The following ANTXRL variants were observed in gnomAD, a reference collection of about 807,000 sequenced individuals.
ANTXRL encodes ANTXR like.
Under a neutral mutation model 75.4 loss-of-function variants are expected in ANTXRL, and 63 were observed. The observed-to-expected ratio is 0.84, with a 90% CI of 0.68 to 1.03. ANTXRL has a LOEUF of 1.03. Among genes scored for constraint, ANTXRL ranks in the 50% least tolerant of loss-of-function variants. The pLI is 0.00. For synonymous variants in ANTXRL, 335 were observed against 291.3 expected (o/e 1.15, Z -1.53); for missense variants, 797 against 789.4 (o/e 1.01, Z -0.12).
chr10:46,290,103 G>A (rs1327851653), intron 1 of ANTXRL, among the ~76,000 whole-genome samples: 3 of 147,522 alleles, frequency 2.0e-5, no homozygotes, highest in Admixed American at 1.4e-4. Context: ...GTTCAGCGGC[G>A]CGATCTCGGC....
intron 15 of ANTXRL, among the ~76,000 whole-genome samples, chr10:46,313,020 C>A (rs1329180558): frequency 6.6e-6 from 1 of 152,210 alleles, no homozygotes; most frequent in Non-Finnish European, 1.5e-5. Context: ...CTTCCTTCAG[C>A]AAAATACTGT....
rs572558636 is a variant in ANTXRL at position 46,329,890 on chromosome 10, C to T, written c.1702C>T (p.Gln568Ter). The T allele has an allele frequency of 4.0e-4, 616 of 1,535,912 alleles. 2 individuals are homozygous for T. Among genetic ancestry groups the T allele is most frequent in the Non-Finnish European group, 5.1e-4 (586 of 1,146,728 alleles). The part of the protein sequence containing the change: ...RHSPEYFSQA[Q>*]TLCNPKSCLQ... ...CAGCCCGGAGTACTTTTCCCAAGCA[C>T]AGACTCTGTGCAACCCAAAGAGCTG... Residue 568 changes from glutamine (Q) to a stop codon, truncating the protein, a stop_gained, in exon 17 of 17, where the codon CAG (glutamine) becomes TAG (stop). Coordinates refer to ENST00000620264, the MANE Select transcript of ANTXRL (RefSeq NM_001278688.3). LOFTEE classifies it high-confidence loss of function.
At chr10:46,314,240 G>A (rs1565045306) in intron 16 of ANTXRL, among the ~76,000 whole-genome samples, 3 of 152,094 alleles carry the variant, frequency 2.0e-5, no homozygotes, top group African/African-American at 7.2e-5. Context: ...ACCTGGCAGG[G>A]CACTGCTGGT....
rs566476915 is a variant in ANTXRL, at chr10:46,294,135, C to A, written c.392+235C>A. On this transcript the variant is annotated intron_variant, in intron 3 of 16. Coordinates refer to ENST00000620264, the MANE Select transcript of ANTXRL (RefSeq NM_001278688.3). ...TGCTCCAGAAGTTCTCAGCCTCCCC[C>A]ACTTCACGCTCCCCTGCCCTCTCTC... is the stretch of plus-strand genomic sequence containing the variant. The A allele has an allele frequency of 4.2e-5, 23 of 548,190 alleles. 1 individual carries two copies. The highest frequency in any genetic ancestry group is 3.4e-4 in the South Asian group (16 of 47,360). 34.0% of individuals were successfully genotyped at this position (548,190 alleles called of 1,614,324 possible).
chr10:46,310,633 G>T, intron 14 of ANTXRL, 134 bp downstream of exon 14: 1 of 963,136 alleles, frequency 1.0e-6, no homozygotes, highest in African/African-American at 1.6e-5. Flanking sequence ...GCAGAATGGA[G>T]CCTGAGAAGA....
intron 7 of ANTXRL, 21 bp from the exon 8 acceptor site, chr10:46,297,810 A>G: frequency 1.3e-6 from 2 of 1,535,244 alleles, no homozygotes; most frequent in Non-Finnish European, 1.7e-6. Flanking sequence ...GGGGAGTCCA[A>G]CCCAGCTCTG....
At chr10:46,289,151 C>G (rs1836880814) in intron 1 of ANTXRL, among the ~76,000 whole-genome samples, 1 of 152,142 alleles carries the variant, frequency 6.6e-6, no homozygotes, top group Admixed American at 6.5e-5. Context: ...TCATTAGCGT[C>G]CAGCTTATTC....
chr10:46,293,227 TGTGA>T lies in ANTXRL; in HGVS notation c.321-598_321-595del, dbSNP rs782541977. On this transcript the variant is annotated intron_variant, in intron 2 of 16. Transcript: ENST00000620264. ...GCATATGTGTGTGACTGTGTGTGTG[TGTGA>T]GTGTGTATGCATGTGTGTGGGGGGG... 51 of 157,032 alleles carry T rather than the reference TGTGA, an allele frequency of 3.2e-4. No homozygotes were observed. In the East Asian group the frequency reaches 4.1e-3, roughly 13 times the overall value. 9.7% of individuals were successfully genotyped at this position (157,032 alleles called of 1,614,324 possible). A position where few individuals can be genotyped will look rare whatever the true frequency, so the allele number is the denominator to read the frequency against.
intron 9 of ANTXRL, 96 bp from the exon 10 acceptor site, chr10:46,302,626 T>G: frequency 2.4e-6 from 2 of 836,392 alleles, no homozygotes; most frequent in Non-Finnish European, 3.8e-6. Flanking sequence ...CCTCTGTGAA[T>G]TCGGTTTTGG....
At chr10:46,316,457 G>A (rs1554964687) in intron 16 of ANTXRL, among the ~76,000 whole-genome samples, 6 of 152,114 alleles carry the variant, frequency 3.9e-5, no homozygotes, top group Admixed American at 3.9e-4. Context: ...CCAACAACCT[G>A]GCTCCAGGTC....
At chr10:46,298,709 G>T (rs1837536569) in intron 9 of ANTXRL, among the ~76,000 whole-genome samples, 1 of 151,426 alleles carries the variant, frequency 6.6e-6, no homozygotes, top group African/African-American at 2.4e-5. Context: ...TGATGTGTGT[G>T]GTGTGTGTAT....
At chr10:46,311,895 C>G (rs1838451028) in intron 15 of ANTXRL, among the ~76,000 whole-genome samples, 1 of 151,934 alleles carries the variant, frequency 6.6e-6, no homozygotes, top group Non-Finnish European at 1.5e-5. Context: ...TCTGTCCCCA[C>G]ACATTGAACT....
At chr10:46,321,245 G>T (rs782332899) in intron 16 of ANTXRL, among the ~76,000 whole-genome samples, 1 of 152,206 alleles carries the variant, frequency 6.6e-6, no homozygotes, top group Non-Finnish European at 1.5e-5. Flanking sequence ...ATGGTCCCAT[G>T]AATTTTCCTG....
intron 16 of ANTXRL, among the ~76,000 whole-genome samples, chr10:46,321,929 C>CT (rs1334506230): frequency 6.6e-6 from 1 of 152,110 alleles, no homozygotes; most frequent in Non-Finnish European, 1.5e-5. Flanking sequence ...GTCATTTGTT[C>CT]TTTCAACTTT....
chr10:46,305,770 T>A (rs1469111098), intron 10 of ANTXRL, among the ~76,000 whole-genome samples: 3 of 151,056 alleles, frequency 2.0e-5, no homozygotes, highest in Non-Finnish European at 3.0e-5. Flanking sequence ...GATACATAAA[T>A]AAACAAAAAT....
chr10:46,307,566 C>T, intron 12 of ANTXRL, 86 bp downstream of exon 12: 1 of 1,246,846 alleles, frequency 8.0e-7, no homozygotes, highest in Admixed American at 2.0e-5. Context: ...GCAGACCGTT[C>T]CCAGGCAGTC....
At position 46,311,577 on chromosome 10, in the gene ANTXRL, C is replaced by G. The variant is rs113838564; in HGVS notation, c.1241C>G (p.Pro414Arg). Residue 414 changes from proline to arginine, a missense_variant, in exon 15 of 17, where the codon CCT becomes CGT. Physicochemically the swap from Pro to Arg is moderately radical, Grantham distance 103. This residue lies in a region of ANTXRL where 479 missense variants were observed against 422.0 expected (regional missense o/e 1.14). Transcript: ENST00000620264. ...PPPPPPPPLPPPPPAPVNTCP... is the reference protein window; with the variant it reads ...PPPPPPPPLPRPPPAPVNTCP... ...CCGCCTCCACCACCTCCACTCCCGC[C>G]TCCGCCCCCAGCTCCTGTAAACACC... 306 of 1,510,130 alleles carry G rather than the reference C, an allele frequency of 2.0e-4. 1 individual carries two copies. The African/African-American group carries it at 3.8e-3, about 19-fold the overall frequency. 93.5% of individuals were successfully genotyped at this position (1,510,130 alleles called of 1,614,324 possible). A position where few individuals can be genotyped will look rare whatever the true frequency, so the allele number is the denominator to read the frequency against.
chr10:46,314,473 T>A (rs868981017), intron 16 of ANTXRL, among the ~76,000 whole-genome samples: 1 of 151,836 alleles, frequency 6.6e-6, no homozygotes, highest in Non-Finnish European at 1.5e-5. Context: ...GACGGCCGAG[T>A]GTGAAAACAG....
intron 16 of ANTXRL, among the ~76,000 whole-genome samples, chr10:46,322,457 CAAAA>C (rs797036561): frequency 4.4e-5 from 4 of 90,548 alleles, no homozygotes; most frequent in Non-Finnish European, 4.6e-5. Flanking sequence ...GACTCCATCT[CAAAA>C]AAAAAAAAAA....
Sources: gnomAD v4.1 joint callset for allele counts (sites outside exome capture counted in the v4.1 genomes callset) on GRCh38, gnomAD v4.1.1 for gene constraint, gnomAD v4.1.1 regional missense constraint, MANE v1.5 for transcripts, NCBI Gene and HGNC (gene_info 2026-07-23, HGNC 2026-07-21) for gene names.